The following AGPAT3 variants were observed in gnomAD, a reference collection of about 807,000 sequenced individuals.
The protein encoded by AGPAT3 is 1-acylglycerol-3-phosphate O-acyltransferase 3.
In AGPAT3, 5 loss-of-function variants were observed where a neutral mutation model predicts 47.3. The observed-to-expected ratio is 0.11, with a 90% CI of 0.06 to 0.22. The LOEUF is 0.22. AGPAT3 is among the 10% of genes least tolerant of loss of function. The pLI, the probability that AGPAT3 is intolerant of heterozygous loss-of-function variation, is 1.00. For synonymous variants in AGPAT3, 212 were observed against 208.3 expected (o/e 1.02, Z -0.15); for missense variants, 315 against 493.0 (o/e 0.64, Z 3.42).
chr21:43,883,653 G>T (rs2085902835), intron 1 of AGPAT3, among the ~76,000 whole-genome samples: 1 of 152,202 alleles, frequency 6.6e-6, no homozygotes, highest in Non-Finnish European at 1.5e-5. Context: ...GAGTACAGTG[G>T]TATAATCTCG....
chr21:43,941,732 C>T (rs887584105), intron 2 of AGPAT3, among the ~76,000 whole-genome samples: 2 of 152,266 alleles, frequency 1.3e-5, no homozygotes, highest in Non-Finnish European at 1.5e-5. Context: ...ACAGGGCAGG[C>T]TGGCCCCAGC....
At position 43,939,317 on chromosome 21, in the gene AGPAT3, C is replaced by T. The variant is rs192380863; in HGVS notation, c.-48-20317C>T. Among the ~76,000 whole-genome samples the T allele has an allele frequency of 1.0e-3, 153 of 152,292 alleles. 1 individual carries two copies. Among genetic ancestry groups the T allele is most frequent in the Middle Eastern group, 6.8e-3 (2 of 294 alleles). On this transcript the variant is annotated intron_variant, in intron 2 of 9. Coordinates refer to ENST00000291572, the MANE Select transcript of AGPAT3 (RefSeq NM_020132.5). This position sits in a 1 kb window ranked among gnomAD's most constrained non-coding sequence, Gnocchi z 4.4. Reference sequence around the variant, plus strand: ...TCCCTTGATAACACCCCACCCCCGTCGCTGTTGTTGTCGGGGGCCTCCCGC... The same window carrying T: ...TCCCTTGATAACACCCCACCCCCGTTGCTGTTGTTGTCGGGGGCCTCCCGC...
intron 2 of AGPAT3, among the ~76,000 whole-genome samples, chr21:43,931,855 A>G (rs1260275758): frequency 1.3e-5 from 2 of 152,118 alleles, no homozygotes; most frequent in African/African-American, 4.8e-5. Context: ...GAAAAGCTCC[A>G]GCTATCTCAA....
chr21:43,958,313 TG>T (rs1041688095), intron 2 of AGPAT3, among the ~76,000 whole-genome samples: 10 of 151,730 alleles, frequency 6.6e-5, no homozygotes, highest in African/African-American at 2.4e-4. Context: ...TGAGTGTGCA[TG>T]GGGTGGGGGG....
chr21:43,939,992 C>T lies in AGPAT3; in HGVS notation c.-48-19642C>T, dbSNP rs534615388. 6.6e-6 allele frequency among the ~76,000 whole-genome samples: 1 copy of T among 152,234 alleles called. No individual in the cohort carries two copies. The highest frequency in any genetic ancestry group is 1.5e-5 in the Non-Finnish European group (1 of 68,036). ...TGTGTATGTCCTGCTTCAGCGCGCT[C>T]CTGGGGTCCCTTGAGTTGGTCTCTG... On this transcript the variant is annotated intron_variant, in intron 2 of 9. Transcript: ENST00000291572. The surrounding 1 kb of genome is among the most constrained non-coding windows in gnomAD (Gnocchi z 4.4).
intron 2 of AGPAT3, among the ~76,000 whole-genome samples, chr21:43,921,924 T>C (rs908678708): frequency 2.2e-4 from 34 of 151,190 alleles, no homozygotes; most frequent in Non-Finnish European, 1.5e-4. Context: ...GTGGGGTGAG[T>C]GTGGAGAGGA....
intron 2 of AGPAT3, among the ~76,000 whole-genome samples, chr21:43,904,722 C>T (rs1260618222): frequency 6.6e-6 from 1 of 152,150 alleles, no homozygotes; most frequent in Non-Finnish European, 1.5e-5. Context: ...CCATGTGTTC[C>T]ACCCCCGTTC....
intron 2 of AGPAT3, among the ~76,000 whole-genome samples, chr21:43,957,683 C>T (rs1303511443): frequency 6.7e-6 from 1 of 150,084 alleles, no homozygotes. Flanking sequence ...TTTCCCCCTC[C>T]ACAGGGGGGT....
chr21:43,906,258 C>T (rs1241826859), intron 2 of AGPAT3, among the ~76,000 whole-genome samples: 2 of 152,102 alleles, frequency 1.3e-5, no homozygotes, highest in Non-Finnish European at 2.9e-5. Context: ...TCAGTGATGG[C>T]ATGCCACGTA....
intron 2 of AGPAT3, among the ~76,000 whole-genome samples, chr21:43,956,238 C>T (rs762998419): frequency 6.6e-6 from 1 of 152,226 alleles, no homozygotes; most frequent in Non-Finnish European, 1.5e-5. Context: ...GTCTGCCCAG[C>T]GTGTCTGAGG....
intron 1 of AGPAT3, among the ~76,000 whole-genome samples, chr21:43,877,063 T>A (rs2085749573): frequency 6.6e-6 from 1 of 152,180 alleles, no homozygotes; most frequent in Non-Finnish European, 1.5e-5. Context: ...TTGACCATGT[T>A]ACCCAGGGTG....
intron 7 of AGPAT3, among the ~76,000 whole-genome samples, chr21:43,971,937 G>T (rs990696877): frequency 2.0e-5 from 3 of 152,136 alleles, no homozygotes; most frequent in African/African-American, 7.2e-5. Flanking sequence ...ACACGACCTG[G>T]GGGGCATACG....
In AGPAT3 at chr21:43,939,895, CA is replaced by C. The variant is rs1173904638; in HGVS notation, c.-48-19735del. ...CTGTTTACAGTGAGCAGCTCCTGGC[CA>C]AAAGCTGCTTATTGGATTAGCCGGT... On this transcript the variant is annotated intron_variant, in intron 2 of 9. Transcript: ENST00000291572. The surrounding 1 kb of genome is among the most constrained non-coding windows in gnomAD (Gnocchi z 4.4). 2.6e-5 allele frequency among the ~76,000 whole-genome samples: 4 copies of C among 152,220 alleles called. No individual in the cohort carries two copies. Among genetic ancestry groups the C allele is most frequent in the Non-Finnish European group, 1.5e-5 (1 of 68,042 alleles).
chr21:43,874,445 A>G (rs1247078947), intron 1 of AGPAT3, among the ~76,000 whole-genome samples: 1 of 152,220 alleles, frequency 6.6e-6, no homozygotes, highest in Non-Finnish European at 1.5e-5. Context: ...TTATTCTTCC[A>G]TGACCCATGA....
In AGPAT3 at chr21:43,954,590, C is replaced by T. The variant is rs934298978; in HGVS notation, c.-48-5044C>T. ...GAGGTTGATGATCCGGGCAGGTGGC[C>T]TTCAGCGAGGGAGCACGTCAAAAGG... On this transcript the variant is annotated intron_variant, in intron 2 of 9. Coordinates refer to ENST00000291572, the MANE Select transcript of AGPAT3 (RefSeq NM_020132.5). This position sits in a 1 kb window ranked among gnomAD's most constrained non-coding sequence, Gnocchi z 4.0. The T allele has an allele frequency of 6.6e-6, 1 of 152,366 alleles. No individual in the cohort carries two copies. The highest frequency in any genetic ancestry group is 1.5e-5 in the Non-Finnish European group (1 of 68,124). 9.4% of individuals were successfully genotyped at this position (152,366 alleles called of 1,614,324 possible). A position where few individuals can be genotyped will look rare whatever the true frequency, so the allele number is the denominator to read the frequency against.
rs74546048 is a variant in AGPAT3, at chr21:43,918,948, C to G, written c.-49+14929C>G. On this transcript the variant is annotated intron_variant, in intron 2 of 9. Coordinates refer to ENST00000291572, the MANE Select transcript of AGPAT3 (RefSeq NM_020132.5). ...GTTTAACTTTTTTTTCTTTTTTTGT[C>G]TTAACTTTCTACTTTACCATCACCA... 2.2e-3 allele frequency among the ~76,000 whole-genome samples: 334 copies of G among 151,986 alleles called. 1 individual carries two copies. Among genetic ancestry groups the G allele is most frequent in the African/African-American group, 7.8e-3 (324 of 41,466 alleles).
chr21:43,885,438 G>A (rs144128259), intron 1 of AGPAT3, among the ~76,000 whole-genome samples: 53 of 146,394 alleles, frequency 3.6e-4, no homozygotes, highest in African/African-American at 1.2e-3. Flanking sequence ...ACCCATGCTA[G>A]AGTGCAATGG....
intron 1 of AGPAT3, among the ~76,000 whole-genome samples, chr21:43,869,084 T>C (rs1259444128): frequency 6.6e-6 from 1 of 152,254 alleles, no homozygotes; most frequent in East Asian, 1.9e-4. Context: ...AAGGCCGTAC[T>C]TGCTGGACTG....
In AGPAT3 at chr21:43,865,339, G is replaced by T. The variant is rs2085479197; in HGVS notation, c.-118G>T. The T allele has an allele frequency of 6.8e-6, 1 of 146,704 alleles. No homozygotes were observed. Among genetic ancestry groups the T allele is most frequent in the Non-Finnish European group, 1.5e-5 (1 of 65,920 alleles). The allele number at this position is 146,704 out of a possible 1,614,324, so 9.1% of individuals were successfully genotyped here. On this transcript the variant is annotated 5_prime_UTR_variant, in exon 1 of 10. Coordinates refer to ENST00000291572, the MANE Select transcript of AGPAT3 (RefSeq NM_020132.5). ...CCCGCGCGACGAGCAGGTGGCGGCG[G>T]CTGCAGGTGAGCACCGAGGCCCCCA...
Sources: gnomAD v4.1 joint callset for allele counts (sites outside exome capture counted in the v4.1 genomes callset) on GRCh38, gnomAD v4.1.1 for gene constraint, Gnocchi (gnomAD v3.1) non-coding constraint, MANE v1.5 for transcripts, NCBI Gene and HGNC (gene_info 2026-07-23, HGNC 2026-07-21) for gene names.